EPHA5: variants seen among roughly 807,000 people sequenced by gnomAD.
EPHA5 encodes EPH receptor A5, also known as ephrin type-A receptor 5.
Under a neutral mutation model 105.0 loss-of-function variants are expected in EPHA5, and 60 were observed. That is an observed-to-expected ratio of 0.57 (90% CI 0.46 to 0.71). The LOEUF is 0.71. EPHA5 is among the 30% of genes least tolerant of loss of function. The probability of loss-of-function intolerance (pLI) is 0.00; values close to 1 mark genes in which losing one functional copy is unlikely to be tolerated. For synonymous variants in EPHA5, 513 were observed against 449.1 expected, an observed-to-expected ratio of 1.14 and a Z score of -1.80; for missense variants, 1,218 against 1,274.7, an observed-to-expected ratio of 0.96 and a Z score of 0.68.
chr4:65,386,730 C>T (rs1338336091), intron 8 of EPHA5, among the ~76,000 whole-genome samples: 1 of 151,710 alleles, frequency 6.6e-6, no homozygotes. Context: ...AACAAAACTA[C>T]CAATTAAAAA....
At chr4:65,506,149 C>T (rs1171671967) in intron 3 of EPHA5, among the ~76,000 whole-genome samples, 1 of 152,054 alleles carries the variant, frequency 6.6e-6, no homozygotes, top group Non-Finnish European at 1.5e-5. Flanking sequence ...TGGTTTCCAG[C>T]TTCATCCATT....
At chr4:65,607,108 T>G (rs1367182166) in intron 2 of EPHA5, among the ~76,000 whole-genome samples, 2 of 152,186 alleles carry the variant, frequency 1.3e-5, no homozygotes, top group Non-Finnish European at 2.9e-5. Context: ...GTGTGTGGTA[T>G]GTTTTGTTTC....
rs1190747652 is a variant in EPHA5, at chr4:65,321,670, T to C, written c.*2444A>G. ...TTGCAAAGAAGGCAAATAAATTTGA[T>C]CCAAATTAATTTATATTCTTCCTTT... On this transcript the variant is annotated 3_prime_UTR_variant, in exon 17 of 17. Transcript: ENST00000613740. 4.4e-6 allele frequency: 1 copy of C among 229,142 alleles called. No homozygotes were observed. Among genetic ancestry groups the C allele is most frequent in the Non-Finnish European group, 8.7e-6 (1 of 115,462 alleles). 14.2% of individuals were successfully genotyped at this position (229,142 alleles called of 1,614,324 possible).
At chr4:65,471,573 A>G (rs1006521929) in intron 5 of EPHA5, among the ~76,000 whole-genome samples, 16 of 152,202 alleles carry the variant, frequency 1.1e-4, no homozygotes, top group African/African-American at 3.9e-4. Flanking sequence ...TAATTGACTT[A>G]CAGTTCCACA....
chr4:65,471,020 G>C (rs1729232222), intron 5 of EPHA5, among the ~76,000 whole-genome samples: 1 of 152,160 alleles, frequency 6.6e-6, no homozygotes, highest in South Asian at 2.1e-4. Context: ...CAATCCAGCT[G>C]TTTCTGTACC....
At chr4:65,540,434 G>A (rs1736706063) in intron 3 of EPHA5, among the ~76,000 whole-genome samples, 1 of 150,738 alleles carries the variant, frequency 6.6e-6, no homozygotes, top group African/African-American at 2.4e-5. Context: ...CCTTAAGTTT[G>A]GTGCTCAGAG....
intron 5 of EPHA5, among the ~76,000 whole-genome samples, chr4:65,476,127 A>AGAGAGAGT (rs1425495059): frequency 0.1 from 12,015 of 119,086 alleles, 545 homozygotes; most frequent in African/African-American, 0.12. Flanking sequence ...AGAGAGAGAG[A>AGAGAGAGT]GTGTGTGTGT....
intron 3 of EPHA5, among the ~76,000 whole-genome samples, chr4:65,505,889 G>C (rs567543264): frequency 6.6e-6 from 1 of 152,086 alleles, no homozygotes; most frequent in Non-Finnish European, 1.5e-5. Context: ...TAGGGTACAT[G>C]TGCACAACGT....
chr4:65,583,373 A>G (rs970562958), intron 3 of EPHA5, among the ~76,000 whole-genome samples: 5 of 151,832 alleles, frequency 3.3e-5, no homozygotes, highest in Middle Eastern at 3.2e-3. Flanking sequence ...TTGAAAATTC[A>G]TGTTCTCCTA....
intron 8 of EPHA5, among the ~76,000 whole-genome samples, chr4:65,398,355 T>C (rs1165961591): frequency 1.3e-5 from 2 of 151,410 alleles, no homozygotes; most frequent in Non-Finnish European, 2.9e-5. Flanking sequence ...CAGGAGAGAG[T>C]TGAGGGAAAT....
At chr4:65,499,829 C>T (rs1019992619) in intron 3 of EPHA5, among the ~76,000 whole-genome samples, 2 of 146,444 alleles carry the variant, frequency 1.4e-5, no homozygotes, top group African/African-American at 5.0e-5. Context: ...AATGTATAAT[C>T]TTTTTTTTTT....
intron 1 of EPHA5, among the ~76,000 whole-genome samples, chr4:65,650,639 C>T (rs544905442): frequency 1.6e-4 from 24 of 151,888 alleles, no homozygotes; most frequent in African/African-American, 5.8e-4. Context: ...CACCTTTAGC[C>T]CCACATTGAA....
chr4:65,396,045 A>G (rs906741816), intron 8 of EPHA5, among the ~76,000 whole-genome samples: 1 of 152,122 alleles, frequency 6.6e-6, no homozygotes, highest in Non-Finnish European at 1.5e-5. Flanking sequence ...GTGGATGTAG[A>G]TCTGGGCATC....
chr4:65,601,845 CA>C lies in EPHA5; in HGVS notation c.705del (p.Val236TrpfsTer32). ...GGGAAGACAGCCAAGTGTCGTACCA[CA>C]GAAGGGCATTTTTTATAGTATACAC... Reference protein sequence around the residue: ...SVRVYYKKCPSVVRHLAVFPD... With the variant: ...SVRVYYKKCPXVVRHLAVFPD... On this transcript the variant is annotated frameshift_variant, in exon 3 of 17. Coordinates refer to ENST00000613740, the MANE Select transcript of EPHA5 (RefSeq NM_001281766.3). LOFTEE classifies it high-confidence loss of function. The C allele has an allele frequency of 6.2e-7, 1 of 1,614,150 alleles. No individual in the cohort carries two copies. The highest frequency in any genetic ancestry group is 8.5e-7 in the Non-Finnish European group (1 of 1,180,016).
At chr4:65,550,583 C>T (rs779389030) in intron 3 of EPHA5, among the ~76,000 whole-genome samples, 1 of 152,058 alleles carries the variant, frequency 6.6e-6, no homozygotes, top group Non-Finnish European at 1.5e-5. Context: ...CGTCTGTAAT[C>T]CCAGCCCTTT....
Position 65,669,660 on chromosome 4 carries a change from A to G in EPHA5, c.83T>C (p.Leu28Pro). ...GGDTPITPAS[L>P]AGCYSAPRRA... Reference sequence around the variant, plus strand: ...TCGAGGTGCAGAGTAGCAGCCGGCCAGGGACGCTGGGGTGATGGGGGTGTC... The same window carrying G: ...TCGAGGTGCAGAGTAGCAGCCGGCCGGGGACGCTGGGGTGATGGGGGTGTC... The change falls in exon 1 of 17, where the codon CTG becomes CCG. Residue 28 changes from leucine (L) to proline (P), a missense_variant. By Grantham distance (98) the Leu-to-Pro change is moderately conservative. Transcript: ENST00000613740. 3 of 1,375,210 alleles carry G rather than the reference A, an allele frequency of 2.2e-6. No homozygotes were observed. The highest frequency in any genetic ancestry group is 2.8e-6 in the Non-Finnish European group (3 of 1,059,292). 85.2% of individuals were successfully genotyped at this position (1,375,210 alleles called of 1,614,324 possible).
At chr4:65,513,861 C>G (rs1733858509) in intron 3 of EPHA5, among the ~76,000 whole-genome samples, 1 of 152,110 alleles carries the variant, frequency 6.6e-6, no homozygotes. Flanking sequence ...CACTTAACCT[C>G]CCATGTTATC....
intron 3 of EPHA5, among the ~76,000 whole-genome samples, chr4:65,549,594 A>T (rs1425627529): frequency 2.0e-5 from 3 of 152,106 alleles, no homozygotes; most frequent in Non-Finnish European, 2.9e-5. Context: ...AACATTTTTA[A>T]TATGAAAGGG....
intron 5 of EPHA5, among the ~76,000 whole-genome samples, chr4:65,474,421 T>C (rs1217733551): frequency 6.6e-6 from 1 of 152,162 alleles, no homozygotes; most frequent in South Asian, 2.1e-4. Flanking sequence ...TTATATTTTG[T>C]TCATACCACA....
Sources: gnomAD v4.1 joint callset for allele counts (sites outside exome capture counted in the v4.1 genomes callset) on GRCh38, gnomAD v4.1.1 for gene constraint, MANE v1.5 for transcripts, NCBI Gene and HGNC (gene_info 2026-07-23, HGNC 2026-07-21) for gene names.